Variants in PCED1B observed in about 807,000 individuals in gnomAD.
PCED1B encodes the protein PC-esterase domain containing 1B, also known as PC-esterase domain-containing protein 1B.
For synonymous variants in PCED1B, 251 were observed against 246.1 expected (o/e 1.02, Z -0.19); for missense variants, 573 against 573.9 (o/e 1.00, Z 0.02).
In PCED1B at chr12:47,087,641, C is replaced by T. The variant is rs192156415; in HGVS notation, c.-609+7916C>T. Reference sequence around the variant, plus strand: ...AAACCATGAGCCAAAGTATTTGCAACAGAAAATATATACTTGGGGCATTCA... The same window carrying T: ...AAACCATGAGCCAAAGTATTTGCAATAGAAAATATATACTTGGGGCATTCA... On this transcript the variant is annotated intron_variant, in intron 1 of 3. Transcript: ENST00000546455. 1.4e-4 allele frequency among the ~76,000 whole-genome samples: 21 copies of T among 152,246 alleles called. No individual in the cohort carries two copies. In the East Asian group the frequency reaches 4.1e-3, roughly 29 times the overall value.
chr12:47,133,422 G>A (rs1399967235), intron 2 of PCED1B, among the ~76,000 whole-genome samples: 1 of 152,152 alleles, frequency 6.6e-6, no homozygotes, highest in African/African-American at 2.4e-5. Flanking sequence ...CCAAAAGTAG[G>A]CATGTAATGT....
intron 2 of PCED1B, among the ~76,000 whole-genome samples, chr12:47,142,873 A>AAGAC (rs1555195187): frequency 6.6e-6 from 1 of 151,450 alleles, no homozygotes; most frequent in Non-Finnish European, 1.5e-5. Flanking sequence ...GTAACAGAAG[A>AAGAC]AGAGAGAAAG....
chr12:47,206,506 C>T (rs182115593), intron 2 of PCED1B: 1 of 152,346 alleles, frequency 6.6e-6, no homozygotes, highest in Admixed American at 6.5e-5. Context: ...TCAGTAAGTA[C>T]TAACCATAAT....
At chr12:47,225,585 A>T (rs1943610111) in intron 3 of PCED1B, among the ~76,000 whole-genome samples, 1 of 152,256 alleles carries the variant, frequency 6.6e-6, no homozygotes, top group Non-Finnish European at 1.5e-5. Flanking sequence ...AGGTGAGCTC[A>T]TTAAAAATAA....
intron 3 of PCED1B, among the ~76,000 whole-genome samples, chr12:47,228,273 C>A (rs1405783437): frequency 6.6e-6 from 1 of 152,008 alleles, no homozygotes. Flanking sequence ...GGTGATCTGC[C>A]CTTCTTGGCC....
chr12:47,122,060 CT>C (rs1246484216), intron 2 of PCED1B, among the ~76,000 whole-genome samples: 19 of 149,498 alleles, frequency 1.3e-4, no homozygotes, highest in African/African-American at 1.7e-4. Flanking sequence ...CTGAACTTCC[CT>C]TTTTTTTTCT....
At chr12:47,125,588 C>A (rs1054710241) in intron 2 of PCED1B, among the ~76,000 whole-genome samples, 1 of 151,926 alleles carries the variant, frequency 6.6e-6, no homozygotes, top group Non-Finnish European at 1.5e-5. Context: ...ATCTATACAT[C>A]AATTTGAGGA....
rs1311641990 is a variant in PCED1B, at chr12:47,132,122, AAACACT to A, written c.-526+27931_-526+27936del. Among the ~76,000 whole-genome samples the A allele has an allele frequency of 2.6e-5, 4 of 152,194 alleles. No individual in the cohort carries two copies. The East Asian group carries it at 7.7e-4, about 29-fold the overall frequency. ...TCCCAGTGCTTTTTGTTTTTTAAAA[AAACACT>A]AACTGGCTGCCAGTAGTCATGTTAA... On this transcript the variant is annotated intron_variant, in intron 2 of 3. Transcript: ENST00000546455.
chr12:47,081,442 AG>A (rs746903282), intron 1 of PCED1B, among the ~76,000 whole-genome samples: 11 of 152,236 alleles, frequency 7.2e-5, no homozygotes, highest in Non-Finnish European at 1.3e-4. Context: ...TGTGGAATAA[AG>A]CCGGGCTAGC....
At chr12:47,116,799 A>T (rs1260691612) in intron 2 of PCED1B, among the ~76,000 whole-genome samples, 1 of 152,214 alleles carries the variant, frequency 6.6e-6, no homozygotes, top group African/African-American at 2.4e-5. Flanking sequence ...AAGATTTCAG[A>T]AGAAAGGAAA....
chr12:47,175,727 C>T (rs1941902217), intron 2 of PCED1B, among the ~76,000 whole-genome samples: 2 of 151,908 alleles, frequency 1.3e-5, no homozygotes, highest in South Asian at 4.1e-4. Context: ...GCATCCGCCA[C>T]CATGCCCAGC....
chr12:47,182,980 T>A (rs1336885294), intron 2 of PCED1B, among the ~76,000 whole-genome samples: 1 of 151,750 alleles, frequency 6.6e-6, no homozygotes, highest in Non-Finnish European at 1.5e-5. Flanking sequence ...ACCCAACAGC[T>A]AAAAGCTAAA....
intron 2 of PCED1B, among the ~76,000 whole-genome samples, chr12:47,141,871 C>A (rs1940605800): frequency 6.6e-6 from 1 of 152,118 alleles, no homozygotes; most frequent in African/African-American, 2.4e-5. Context: ...CAGCTGCAGT[C>A]CCAGGGCAGT....
chr12:47,091,215 T>C (rs111370057), intron 1 of PCED1B, among the ~76,000 whole-genome samples: 82 of 152,266 alleles, frequency 5.4e-4, no homozygotes, highest in African/African-American at 1.9e-3. Context: ...TTTTCCATCT[T>C]TTTCATCTTA....
At chr12:47,095,024 G>T (rs112711392) in intron 1 of PCED1B, among the ~76,000 whole-genome samples, 14 of 149,000 alleles carry the variant, frequency 9.4e-5, no homozygotes, top group African/African-American at 3.5e-4. Flanking sequence ...CTCCCACCTC[G>T]GCTTCCTGAG....
At chr12:47,181,640 T>C (rs2137605258) in intron 2 of PCED1B, among the ~76,000 whole-genome samples, 1 of 152,270 alleles carries the variant, frequency 6.6e-6, no homozygotes, top group Admixed American at 6.5e-5. Context: ...GTGCTGGGAT[T>C]ACAGGCATGA....
chr12:47,224,465 G>A (rs1325715513), intron 3 of PCED1B, among the ~76,000 whole-genome samples: 1 of 152,166 alleles, frequency 6.6e-6, no homozygotes, highest in Non-Finnish European at 1.5e-5. Context: ...TTCTTCTGCT[G>A]ATAGTTTATT....
chr12:47,206,024 T>A (rs896505258), intron 2 of PCED1B: 1 of 152,236 alleles, frequency 6.6e-6, no homozygotes, highest in Non-Finnish European at 1.5e-5. Flanking sequence ...TGGTTAGGGA[T>A]GAAATCACAA....
At chr12:47,173,755 C>A (rs1413555463) in intron 2 of PCED1B, among the ~76,000 whole-genome samples, 1 of 152,066 alleles carries the variant, frequency 6.6e-6, no homozygotes, top group African/African-American at 2.4e-5. Flanking sequence ...GAGAGATTAT[C>A]TTCATCAATT....
Sources: allele counts gnomAD v4.1 joint callset (sites outside exome capture counted in the v4.1 genomes callset), GRCh38; gene constraint gnomAD v4.1.1; transcripts MANE v1.5; gene names NCBI Gene and HGNC (gene_info 2026-07-23, HGNC 2026-07-21).